The following MYO15A variants were observed in gnomAD, a reference collection of about 807,000 sequenced individuals.
The protein encoded by MYO15A is myosin XVA, also known as unconventional myosin-XV.
A neutral mutation model predicts 394.6 loss-of-function variants in MYO15A; 308 were observed. That is an observed-to-expected ratio of 0.78 (90% confidence interval 0.71 to 0.86). The LOEUF (loss-of-function observed/expected upper bound fraction) is 0.86. Among genes scored for constraint, MYO15A ranks in the 40% least tolerant of loss-of-function variants. MYO15A has a pLI of 0.00. For missense variants in MYO15A, 4,606 were observed against 4,799.1 expected (o/e 0.96, Z 1.19); for synonymous variants, 1,957 against 2,003.8 (o/e 0.98, Z 0.62).
intron 61 of MYO15A, among the ~76,000 whole-genome samples, chr17:18,166,740 G>GCATCCTGACTTATTTAAGTC (rs1385555457): frequency 6.6e-6 from 1 of 152,250 alleles, no homozygotes; most frequent in East Asian, 1.9e-4. Context: ...CTCCATCTGT[G>GCATCCTGACTTATTTAAGTC]CTTCCTGACT....
Position 18,120,614 on chromosome 17 carries a change from C to A in MYO15A, c.1814C>A (p.Ala605Glu). 2 of 1,597,120 alleles carry A rather than the reference C, an allele frequency of 1.3e-6. No individual in the cohort carries two copies. The highest frequency in any genetic ancestry group is 8.5e-7 in the Non-Finnish European group (1 of 1,174,296). The change falls in exon 2 of 66, where the codon GCG becomes GAG. Residue 605 changes from alanine (A) to glutamate (E), a missense_variant. Physicochemically the swap from Ala to Glu is moderately radical, Grantham distance 107 (BLOSUM62 -1). This residue lies in a region of MYO15A where 1,830 missense variants were observed against 1,689.7 expected (regional missense o/e 1.08). Coordinates refer to ENST00000647165, the MANE Select transcript of MYO15A (RefSeq NM_016239.4). ...ARAGGPAVRE[A>E]AYKRFGYKLA... ...GCGGGCGGCCCTGCTGTCAGGGAGG[C>A]GGCCTACAAACGCTTCGGCTACAAG...
At chr17:18,127,834 G>GATAT (rs55650584) in intron 7 of MYO15A, among the ~76,000 whole-genome samples, 32,580 of 130,306 alleles carry the variant, frequency 0.25, 4,550 homozygotes, top group Non-Finnish European at 0.33. Flanking sequence ...GAAAAAAAAA[G>GATAT]ATATATATAT....
At chr17:18,125,871 C>T (rs1028955042) in intron 4 of MYO15A, among the ~76,000 whole-genome samples, 2 of 151,964 alleles carry the variant, frequency 1.3e-5, no homozygotes, top group African/African-American at 4.8e-5. Flanking sequence ...GTGGGGATGG[C>T]CAGAGGGGTC....
rs149029010 is a variant in MYO15A at position 18,128,710 on chromosome 17, G to A, written c.4032+1545G>A. On this transcript the variant is annotated intron_variant, in intron 7 of 65. Transcript: ENST00000647165. ...GGGTTCCTTCAGTTATCGTCACACCGGAGCTTTACGGCAACCCTGGGAGGT... is the reference window on the plus strand; with the variant it reads ...GGGTTCCTTCAGTTATCGTCACACCAGAGCTTTACGGCAACCCTGGGAGGT... Among the ~76,000 whole-genome samples, 1,185 of 152,224 alleles carry A rather than the reference G, an allele frequency of 7.8e-3. 7 individuals carry two copies. Among genetic ancestry groups the A allele is most frequent in the Non-Finnish European group, 0.013 (912 of 67,992 alleles).
intron 59 of MYO15A, 74 bp downstream of exon 59, chr17:18,163,395 GGGT>G: frequency 6.8e-7 from 1 of 1,481,224 alleles, no homozygotes; most frequent in East Asian, 2.3e-5. Context: ...TCCAGGATGG[GGGT>G]GGAGTAAGCC....
rs756628195 is a variant in MYO15A, at chr17:18,158,584, A to T, written c.9029A>T (p.Tyr3010Phe). ...HGEDALALPP[Y>F]TMLEFAQKYF... ...GAGGACGCCCTGGCGCTCCCACCCTACACAATGCTCGAGTTTGCCCAGAAG... is the reference window on the plus strand; with the variant it reads ...GAGGACGCCCTGGCGCTCCCACCCTTCACAATGCTCGAGTTTGCCCAGAAG... Residue 3010 changes from tyrosine (Y) to phenylalanine (F), a missense_variant, in exon 52 of 66, where the codon TAC (tyrosine) becomes TTC (phenylalanine). Physicochemically the swap from Tyr to Phe is conservative, Grantham distance 22. This residue lies in a region of MYO15A where 2,776 missense variants were observed against 3,109.3 expected (regional missense o/e 0.89). Transcript: ENST00000647165. 15 of 1,614,148 alleles carry T rather than the reference A, an allele frequency of 9.3e-6. No homozygotes were observed. In the African/African-American group the frequency reaches 1.9e-4, roughly 20 times the overall value.
chr17:18,138,975 A>C, intron 18 of MYO15A, 39 bp downstream of exon 18: 1 of 1,595,934 alleles, frequency 6.3e-7, no homozygotes, highest in East Asian at 2.2e-5. Context: ...CTGGTGCTGC[A>C]GTGCTGCTAG....
chr17:18,140,661 G>A lies in MYO15A; in HGVS notation c.5356G>A (p.Glu1786Lys). The A allele has an allele frequency of 6.2e-7, 1 of 1,613,968 alleles. No individual in the cohort carries two copies. Among genetic ancestry groups the A allele is most frequent in the Non-Finnish European group, 8.5e-7 (1 of 1,180,040 alleles). Reference sequence around the variant, plus strand: ...ACTCCTGGATCTGGTGGAAAAGATGGAGAGGTGGGGTGGGGGGCAGGTGGG... The same window carrying A: ...ACTCCTGGATCTGGTGGAAAAGATGAAGAGGTGGGGTGGGGGGCAGGTGGG... Reference protein sequence around the residue: ...QSLLDLVEKMERCNPLFMRCL... With the variant: ...QSLLDLVEKMKRCNPLFMRCL... Residue 1786 changes from glutamate to lysine, a missense_variant, in exon 20 of 66, where the codon GAG becomes AAG. This residue lies in a region of MYO15A where 2,776 missense variants were observed against 3,109.3 expected (regional missense o/e 0.89). Transcript: ENST00000647165.
rs2142251765 is a variant in MYO15A, at chr17:18,120,877, C to T, written c.2077C>T (p.Pro693Ser). 1 of 1,336,776 alleles carries T rather than the reference C, an allele frequency of 7.5e-7. No individual in the cohort carries two copies. The highest frequency in any genetic ancestry group is 9.6e-7 in the Non-Finnish European group (1 of 1,042,658). 82.8% of individuals were successfully genotyped at this position (1,336,776 alleles called of 1,614,324 possible). A position where few individuals can be genotyped will look rare whatever the true frequency, so the allele number is the denominator to read the frequency against. The change falls in exon 2 of 66, where the codon CCC becomes TCC. Residue 693 changes from proline (P) to serine (S), a missense_variant. Pro to Ser is a moderately conservative substitution (Grantham distance 74, BLOSUM62 -1). Coordinates refer to ENST00000647165, the MANE Select transcript of MYO15A (RefSeq NM_016239.4). ...ALSGLPRPAS[P>S]YGSLRRHPPP... Reference sequence around the variant, plus strand: ...CTCGGGCCTGCCCCGGCCGGCCTCGCCCTACGGCTCCCTCCGCCGCCACCC... The same window carrying T: ...CTCGGGCCTGCCCCGGCCGGCCTCGTCCTACGGCTCCCTCCGCCGCCACCC...
At chr17:18,165,873 C>G (rs901661180) in intron 60 of MYO15A, among the ~76,000 whole-genome samples, 1 of 152,206 alleles carries the variant, frequency 6.6e-6, no homozygotes, top group Non-Finnish European at 1.5e-5. Flanking sequence ...GACCCCAGTC[C>G]TCCCCACCCC....
In MYO15A at chr17:18,135,747, C is replaced by T. The variant is rs549138385; in HGVS notation, c.4519C>T (p.Arg1507Ter). Residue 1507 changes from arginine (R) to a stop codon, truncating the protein, a stop_gained, in exon 13 of 66, where the codon CGA becomes TGA. Transcript: ENST00000647165. LOFTEE classifies it high-confidence loss of function. ...GGAGGTGGCCTCAGTGGTGAGTGCC[C>T]GAGAGATCCAGGCCGTGGCAGAGCT... ...AQEVASVVSA[R>*]EIQAVAELLQ... The T allele has an allele frequency of 1.4e-5, 22 of 1,613,998 alleles. No homozygotes were observed. Among genetic ancestry groups the T allele is most frequent in the Non-Finnish European group, 1.8e-5 (21 of 1,180,020 alleles).
Position 18,179,295 on chromosome 17 carries a change from CT to C in MYO15A, c.*427del, listed in dbSNP as rs1331192965. 7.9e-6 allele frequency: 2 copies of C among 253,702 alleles called. No homozygotes were observed. 15.7% of individuals were successfully genotyped at this position (253,702 alleles called of 1,614,324 possible). A position where few individuals can be genotyped will look rare whatever the true frequency, so the allele number is the denominator to read the frequency against. On this transcript the variant is annotated 3_prime_UTR_variant, in exon 66 of 66. Transcript: ENST00000647165. ...TCTGCTCCAACTCCACACCCTAGCC[CT>C]TACATGTCCTCCTAAGGGGCCCCTC...
In MYO15A at chr17:18,153,940, A is replaced by ATGATCTGTGCCACCCACACCTGCCAT; in HGVS notation, c.8088+44_8088+45insTGATCTGTGCCACCCACACCTGCCAT. 6.2e-7 allele frequency: 1 copy of ATGATCTGTGCCACCCACACCTGCCAT among 1,607,000 alleles called. No homozygotes were observed. ...GCCAGGGGAGGGGCTGAAGCGGGGC[A>ATGATCTGTGCCACCCACACCTGCCAT]GGGGAGGGGCTGAAGCGAGCAGAGG... On this transcript the variant is annotated intron_variant, in intron 43 of 65. Transcript: ENST00000647165. The surrounding 1 kb of genome is among the most constrained non-coding windows in gnomAD (Gnocchi z 4.1).
At chr17:18,112,732 A>G (rs1567613153) in intron 1 of MYO15A, among the ~76,000 whole-genome samples, 2 of 151,792 alleles carry the variant, frequency 1.3e-5, no homozygotes, top group Admixed American at 1.3e-4. Context: ...TAAATGTTAC[A>G]TTTTTTTTGG....
intron 39 of MYO15A, 38 bp from the exon 40 acceptor site, chr17:18,151,357 T>C (rs781231876): frequency 1.2e-6 from 2 of 1,614,194 alleles, no homozygotes; most frequent in East Asian, 2.2e-5. Flanking sequence ...GTGCCCCTTG[T>C]GGCCTCACCC....
Position 18,155,187 on chromosome 17 carries a change from A to G in MYO15A, c.8302A>G (p.Thr2768Ala). The stretch of plus-strand genomic sequence containing the variant: ...GGCCGTGGTCAGCACTGCACGAGAC[A>G]CCTGGGAGGTCTACTTCTCCCGCAT... ...KRAVVSTARD[T>A]WEVYFSRIFP... Residue 2768 changes from threonine (T) to alanine (A), a missense_variant, in exon 46 of 66, where the codon ACC (threonine) becomes GCC (alanine). Thr to Ala is a moderately conservative substitution (Grantham distance 58). Around this residue, in one of 2 missense-constraint regions of MYO15A, gnomAD observed 2,776 missense variants for 3,109.3 expected, o/e 0.89. Coordinates refer to ENST00000647165, the MANE Select transcript of MYO15A (RefSeq NM_016239.4). The G allele has an allele frequency of 6.2e-7, 1 of 1,613,936 alleles. No individual in the cohort carries two copies. The highest frequency in any genetic ancestry group is 8.5e-7 in the Non-Finnish European group (1 of 1,180,028).
Position 18,120,518 on chromosome 17 carries a change from C to T in MYO15A, c.1718C>T (p.Ala573Val), listed in dbSNP as rs1409238455. 5.7e-6 allele frequency: 9 copies of T among 1,585,772 alleles called. No individual in the cohort carries two copies. The highest frequency in any genetic ancestry group is 5.4e-5 in the African/African-American group (4 of 74,490). Residue 573 changes from alanine (A) to valine (V), a missense_variant, in exon 2 of 66, where the codon GCG becomes GTG. Around this residue, in one of 2 missense-constraint regions of MYO15A, gnomAD observed 1,830 missense variants for 1,689.7 expected, o/e 1.08. Transcript: ENST00000647165. Reference sequence around the variant, plus strand: ...GTGCCTCGCCCTGCCACCTCGCTTGCGCGGTTCCTCAAGAAGACGCTGTCG... The same window carrying T: ...GTGCCTCGCCCTGCCACCTCGCTTGTGCGGTTCCTCAAGAAGACGCTGTCG... ...RPVPRPATSL[A>V]RFLKKTLSEK... is the part of the protein sequence containing the mutation.
chr17:18,121,079 C>G lies in MYO15A; in HGVS notation c.2279C>G (p.Ala760Gly). 6.6e-7 allele frequency: 1 copy of G among 1,506,050 alleles called. No homozygotes were observed. Among genetic ancestry groups the G allele is most frequent in the East Asian group, 2.6e-5 (1 of 37,782 alleles). 93.3% of individuals were successfully genotyped at this position (1,506,050 alleles called of 1,614,324 possible). The change falls in exon 2 of 66, where the codon GCC (alanine) becomes GGC (glycine). Residue 760 changes from alanine to glycine, a missense_variant. Physicochemically the swap from Ala to Gly is moderately conservative, Grantham distance 60. Transcript: ENST00000647165. The surrounding 1 kb of genome is among the most constrained non-coding windows in gnomAD (Gnocchi z 5.3). The stretch of plus-strand genomic sequence containing the variant: ...GGGGCGGCTTTCGGCTTCCCCGGGG[C>G]CTCTCCACGGGCGTCGCGGAGGCGA... ...RRGAAFGFPGASPRASRRRAW... is the reference protein window; with the variant it reads ...RRGAAFGFPGGSPRASRRRAW...
chr17:18,135,944 C>G, intron 13 of MYO15A, 120 bp downstream of exon 13: 2 of 928,802 alleles, frequency 2.2e-6, no homozygotes, highest in Non-Finnish European at 1.7e-6. Flanking sequence ...GTCCCTGGGT[C>G]AGGCATGGAG....
Sources: allele counts gnomAD v4.1 joint callset (sites outside exome capture counted in the v4.1 genomes callset), GRCh38; gene constraint gnomAD v4.1.1; regional missense constraint gnomAD v4.1.1; non-coding constraint Gnocchi (gnomAD v3.1); transcripts MANE v1.5; gene names NCBI Gene and HGNC (gene_info 2026-07-23, HGNC 2026-07-21).